The following ZNF385A variants were observed in gnomAD, a reference collection of about 807,000 sequenced individuals.
ZNF385A encodes zinc finger protein 385A.
In ZNF385A, 14 loss-of-function variants were observed where a neutral mutation model predicts 32.1. The ratio of observed to expected loss-of-function variants is 0.44; its 90% CI spans 0.29 to 0.68. The LOEUF is 0.68. ZNF385A is among the 30% of genes least tolerant of loss of function. The pLI is 0.14. For synonymous variants in ZNF385A, 197 were observed against 202.7 expected (o/e 0.97, Z 0.24); for missense variants, 406 against 478.4 (o/e 0.85, Z 1.41).
chr12:54,380,302 TCA>T (rs1955078735), intron 1 of ZNF385A, among the ~76,000 whole-genome samples: 2 of 152,366 alleles, frequency 1.3e-5, no homozygotes, highest in South Asian at 4.1e-4. Flanking sequence ...AATTTAATCT[TCA>T]CAACCACTAT....
Position 54,370,011 on chromosome 12 carries a change from C to A in ZNF385A, c.*245G>T. 2.5e-6 allele frequency: 1 copy of A among 404,070 alleles called. No homozygotes were observed. 25.0% of individuals were successfully genotyped at this position (404,070 alleles called of 1,614,324 possible). A position where few individuals can be genotyped will look rare whatever the true frequency, so the allele number is the denominator to read the frequency against. ...CAAGGGGGCTCGGGGGTGAGACGGCCCCCCCTTTTCTAGGGGAGAGGGAAA... is the reference window on the plus strand; with the variant it reads ...CAAGGGGGCTCGGGGGTGAGACGGCACCCCCTTTTCTAGGGGAGAGGGAAA... On this transcript the variant is annotated 3_prime_UTR_variant, in exon 7 of 7. Coordinates refer to ENST00000394313, the MANE Select transcript of ZNF385A (RefSeq NM_015481.3). This position sits in a 1 kb window ranked among gnomAD's most constrained non-coding sequence, Gnocchi z 5.5.
chr12:54,379,579 T>C (rs1024252251), intron 1 of ZNF385A, among the ~76,000 whole-genome samples: 2 of 152,012 alleles, frequency 1.3e-5, no homozygotes, highest in Non-Finnish European at 2.9e-5. Context: ...CTTCCCCAGC[T>C]TCCTCTGCAA....
In ZNF385A at chr12:54,370,521, C is replaced by G. The variant is rs1299112678; in HGVS notation, c.871-35G>C. The G allele has an allele frequency of 9.0e-6, 14 of 1,550,644 alleles. No individual in the cohort carries two copies. Among genetic ancestry groups the G allele is most frequent in the Non-Finnish European group, 1.1e-5 (13 of 1,146,534 alleles). ...GCGAAAGGCGGAGGAAGAGAAGTCA[C>G]CCGGCGGTCCTGCAAACCCCACCTC... On this transcript the variant is annotated intron_variant, in intron 6 of 6. Transcript: ENST00000394313. The surrounding 1 kb of genome is among the most constrained non-coding windows in gnomAD (Gnocchi z 5.5).
chr12:54,386,550 C>T (rs904155060), upstream of ZNF385A, among the ~76,000 whole-genome samples: 8 of 152,160 alleles, frequency 5.3e-5, no homozygotes, highest in Non-Finnish European at 5.9e-5. Context: ...CCCTCCCTTA[C>T]TGCCTGTTAC....
upstream of ZNF385A, chr12:54,384,773 C>T (rs1955383326): frequency 1.6e-6 from 2 of 1,246,078 alleles, no homozygotes; most frequent in South Asian, 3.5e-5. Flanking sequence ...CAGTCCTTCC[C>T]TTCTGGGTGG....
At chr12:54,390,103 A>G (rs949121287) in intron 1 of ZNF385A, among the ~76,000 whole-genome samples, 3 of 152,122 alleles carry the variant, frequency 2.0e-5, no homozygotes, top group Non-Finnish European at 4.4e-5. Context: ...GAGCCAGTCA[A>G]GCCCTCCAGG....
intron 1 of ZNF385A, among the ~76,000 whole-genome samples, chr12:54,383,670 G>A (rs947558089): frequency 3.3e-5 from 5 of 152,174 alleles, no homozygotes; most frequent in South Asian, 2.1e-4. Context: ...TGAGGCAGGC[G>A]GATCACCTGA....
At chr12:54,371,125 G>C (rs1391084612) in intron 4 of ZNF385A, 29 bp from the exon 5 acceptor site, 15 of 1,554,078 alleles carry the variant, frequency 9.7e-6, no homozygotes, top group South Asian at 2.5e-5. Flanking sequence ...AGGAGGTAAG[G>C]GGTGGAAGAA....
chr12:54,388,517 G>A (rs570024182), upstream of ZNF385A, among the ~76,000 whole-genome samples: 3 of 152,344 alleles, frequency 2.0e-5, no homozygotes, highest in Admixed American at 2.0e-4. Context: ...CATCTGAGTA[G>A]GAATAGGAGC....
At position 54,375,954 on chromosome 12, in the gene ZNF385A, T is replaced by A. The variant is rs1592243873; in HGVS notation, c.88A>T (p.Met30Leu). ...TLGLFSNYST[M>L]DPVQKAVLSH... ...AGCACAGCCTTCTGCACAGGGTCCATCTGTGGAGGCAGGCTGGGGTGAGCC... is the reference window on the plus strand; with the variant it reads ...AGCACAGCCTTCTGCACAGGGTCCAACTGTGGAGGCAGGCTGGGGTGAGCC... Residue 30 changes from methionine to leucine, a missense_variant and splice_region_variant, in exon 2 of 7, where the codon ATG becomes TTG. Transcript: ENST00000394313. 2 of 1,613,352 alleles carry A rather than the reference T, an allele frequency of 1.2e-6. No individual in the cohort carries two copies. Among genetic ancestry groups the A allele is most frequent in the East Asian group, 2.2e-5 (1 of 44,878 alleles).
At position 54,372,355 on chromosome 12, in the gene ZNF385A, G is replaced by A. The variant is rs544354761; in HGVS notation, c.362-640C>T. On this transcript the variant is annotated intron_variant, in intron 3 of 6. Coordinates refer to ENST00000394313, the MANE Select transcript of ZNF385A (RefSeq NM_015481.3). The stretch of plus-strand genomic sequence containing the variant: ...TGCTCCAGCAGCTGATCCAGTTTCC[G>A]GGTCATGGCGAGGCTGGCAGTGGGG... 9.8e-5 allele frequency among the ~76,000 whole-genome samples: 15 copies of A among 152,342 alleles called. 1 individual carries two copies. The South Asian group carries it at 2.7e-3, about 27-fold the overall frequency.
At chr12:54,375,049 CAG>C (rs1341730482) in intron 2 of ZNF385A, among the ~76,000 whole-genome samples, 1 of 149,128 alleles carries the variant, frequency 6.7e-6, no homozygotes, top group African/African-American at 2.4e-5. Context: ...TAGCAGTGTG[CAG>C]AGCCCAGTAG....
chr12:54,372,319 G>A (rs546914957), intron 3 of ZNF385A, among the ~76,000 whole-genome samples: 14 of 152,284 alleles, frequency 9.2e-5, no homozygotes, highest in African/African-American at 1.4e-4. Context: ...AAACTCTAGC[G>A]CTCCCATTCT....
intron 1 of ZNF385A, among the ~76,000 whole-genome samples, chr12:54,377,904 A>G (rs73113376): frequency 9.7e-4 from 148 of 152,246 alleles, no homozygotes; most frequent in Middle Eastern, 3.4e-3. Flanking sequence ...AGTTCTGCCT[A>G]TGCTCTGCCC....
intron 2 of ZNF385A, among the ~76,000 whole-genome samples, chr12:54,374,588 C>A (rs1441001704): frequency 6.6e-6 from 1 of 152,210 alleles, no homozygotes; most frequent in Non-Finnish European, 1.5e-5. Context: ...CCCAGGATCC[C>A]TGATGCCTGG....
upstream of ZNF385A, chr12:54,385,660 C>T (rs1017546309): frequency 9.1e-6 from 9 of 985,426 alleles, no homozygotes; most frequent in Non-Finnish European, 1.1e-5. Flanking sequence ...CCAGACACCA[C>T]CCCCTTTCAT....
At position 54,370,875 on chromosome 12, in the gene ZNF385A, C is replaced by T; in HGVS notation, c.774+52G>A. On this transcript the variant is annotated intron_variant, in intron 5 of 6. Coordinates refer to ENST00000394313, the MANE Select transcript of ZNF385A (RefSeq NM_015481.3). The surrounding 1 kb of genome is among the most constrained non-coding windows in gnomAD (Gnocchi z 5.5). Reference sequence around the variant, plus strand: ...TACTCAAGCTCCTTGCTCCCCTTCCCCACTTAGCGGGTGGAGCGTCCCAGA... The same window carrying T: ...TACTCAAGCTCCTTGCTCCCCTTCCTCACTTAGCGGGTGGAGCGTCCCAGA... 2 of 1,613,188 alleles carry T rather than the reference C, an allele frequency of 1.2e-6. No individual in the cohort carries two copies. Among genetic ancestry groups the T allele is most frequent in the Admixed American group, 1.7e-5 (1 of 60,000 alleles).
rs1954510891 is a variant in ZNF385A at position 54,370,901 on chromosome 12, A to G, written c.774+26T>C. ...CACTTAGCGGGTGGAGCGTCCCAGA[A>G]TTCCTGGGAAGGGCCTTAGACCCAC... On this transcript the variant is annotated intron_variant, in intron 5 of 6. Coordinates refer to ENST00000394313, the MANE Select transcript of ZNF385A (RefSeq NM_015481.3). The surrounding 1 kb of genome is among the most constrained non-coding windows in gnomAD (Gnocchi z 5.5). The G allele has an allele frequency of 6.2e-7, 1 of 1,614,068 alleles. No individual in the cohort carries two copies. Among genetic ancestry groups the G allele is most frequent in the African/African-American group, 1.3e-5 (1 of 75,022 alleles).
At chr12:54,385,930 G>A (rs1955460850), upstream of ZNF385A, 1 of 152,172 alleles carries the variant, frequency 6.6e-6, no homozygotes, top group African/African-American at 2.4e-5. Flanking sequence ...ACAGCTGGGG[G>A]CTGGGAGCTG....
Sources: allele counts gnomAD v4.1 joint callset (sites outside exome capture counted in the v4.1 genomes callset), GRCh38; gene constraint gnomAD v4.1.1; non-coding constraint Gnocchi (gnomAD v3.1); transcripts MANE v1.5; gene names NCBI Gene and HGNC (gene_info 2026-07-23, HGNC 2026-07-21).